CXCL6: variants seen among roughly 807,000 people sequenced by gnomAD.
The protein encoded by CXCL6 is C-X-C motif chemokine ligand 6.
Under a neutral mutation model 10.5 loss-of-function variants are expected in CXCL6, and 18 were observed. The ratio of observed to expected loss-of-function variants is 1.71; its 90% CI spans 1.18 to 2.54. The LOEUF (loss-of-function observed/expected upper bound fraction) is 2.54, where lower values mean the gene tolerates loss of function less well. Among genes scored for constraint, CXCL6 ranks in the 30% most tolerant of loss-of-function variants. The pLI is 0.00. For missense variants in CXCL6, 171 were observed against 145.7 expected, an observed-to-expected ratio of 1.17 and a Z score of -0.90; for synonymous variants, 82 against 68.3, an observed-to-expected ratio of 1.20 and a Z score of -0.99.
In CXCL6 at chr4:73,837,796, CG is replaced by C; in HGVS notation, c.*156del. 1 of 541,902 alleles carries C rather than the reference CG, an allele frequency of 1.8e-6. No homozygotes were observed. 33.6% of individuals were successfully genotyped at this position (541,902 alleles called of 1,614,324 possible). ...TTTGAAGAGTGTGGGGGAAAGCCTA[CG>C]CTTCTCCCTGAAGTTTACAGCTCAG... On this transcript the variant is annotated 3_prime_UTR_variant, in exon 4 of 4. Transcript: ENST00000226317.
Position 73,837,622 on chromosome 4 carries a change from G to A in CXCL6, c.327-1G>A. The A allele has an allele frequency of 1.3e-6, 2 of 1,556,620 alleles. No homozygotes were observed. Among genetic ancestry groups the A allele is most frequent in the Non-Finnish European group, 1.7e-6 (2 of 1,163,398 alleles). On this transcript the variant is annotated splice_acceptor_variant, in intron 3 of 3. Transcript: ENST00000226317. LOFTEE classifies it high-confidence loss of function. The stretch of plus-strand genomic sequence containing the variant: ...TACTAATATAACTCTTTTCTCAACA[G>A]TGGAAACAAGAAAAACTGAGTAACA...
chr4:73,837,018 C>A lies in CXCL6; in HGVS notation c.164C>A (p.Thr55Lys), dbSNP rs931779886. The stretch of plus-strand genomic sequence containing the variant: ...CTGCGTTGCACTTGTTTACGCGTTA[C>A]GCTGAGAGTAAACCCCAAAACGATT... The part of the protein sequence containing the change: ...TELRCTCLRV[T>K]LRVNPKTIGK... The change falls in exon 2 of 4, where the codon ACG becomes AAG. Residue 55 changes from threonine (T) to lysine (K), a missense_variant. Coordinates refer to ENST00000226317, the MANE Select transcript of CXCL6 (RefSeq NM_002993.4). 1 of 1,613,644 alleles carries A rather than the reference C, an allele frequency of 6.2e-7. No individual in the cohort carries two copies. Among genetic ancestry groups the A allele is most frequent in the African/African-American group, 1.3e-5 (1 of 74,922 alleles).
rs557907797 is a variant in CXCL6 at position 73,838,134 on chromosome 4, C to G, written c.*493C>G. ...TCTGTTTCTTGGGGAATATGTTACT[C>G]TTTACCCTAGGATGCTATTTAAGTT... is the stretch of plus-strand genomic sequence containing the variant. On this transcript the variant is annotated 3_prime_UTR_variant, in exon 4 of 4. Transcript: ENST00000226317. 1.3e-5 allele frequency: 2 copies of G among 152,648 alleles called. No homozygotes were observed. Among genetic ancestry groups the G allele is most frequent in the Admixed American group, 1.3e-4 (2 of 15,302 alleles). The allele number at this position is 152,648 out of a possible 1,614,324, so 9.5% of individuals were successfully genotyped here.
At chr4:73,837,535 T>C in intron 3 of CXCL6, 88 bp from the exon 4 acceptor site, 1 of 1,325,784 alleles carries the variant, frequency 7.5e-7, no homozygotes, top group Non-Finnish European at 1.1e-6. Flanking sequence ...TTATTGATTT[T>C]TTTCCCCCAC....
chr4:73,838,743 T>C lies in CXCL6; in HGVS notation c.*1102T>C. The C allele has an allele frequency of 6.6e-6, 1 of 152,638 alleles. No individual in the cohort carries two copies. The highest frequency in any genetic ancestry group is 1.9e-4 in the East Asian group (1 of 5,198). The allele number at this position is 152,638 out of a possible 1,614,324, so 9.5% of individuals were successfully genotyped here. On this transcript the variant is annotated 3_prime_UTR_variant, in exon 4 of 4. Coordinates refer to ENST00000226317, the MANE Select transcript of CXCL6 (RefSeq NM_002993.4). ...CTTGTATTGTCATTTGGAGAAACAA[T>C]AAAAGATTTCTAAACCACTGATGTT...
At chr4:73,837,382 G>A (rs1731128243) in intron 3 of CXCL6, 96 bp downstream of exon 3, 3 of 1,247,190 alleles carry the variant, frequency 2.4e-6, no homozygotes, top group African/African-American at 1.5e-5. Flanking sequence ...TTTAGACTAT[G>A]CTTAGAATTA....
Position 73,837,040 on chromosome 4 carries a change from G to A in CXCL6, c.186G>A (p.Thr62=). 6.2e-7 allele frequency: 1 copy of A among 1,613,990 alleles called. No individual in the cohort carries two copies. The highest frequency in any genetic ancestry group is 8.5e-7 in the Non-Finnish European group (1 of 1,179,918). Residue 62 remains threonine (T), a synonymous_variant, in exon 2 of 4, where the codon ACG becomes ACA. Coordinates refer to ENST00000226317, the MANE Select transcript of CXCL6 (RefSeq NM_002993.4). ...TTACGCTGAGAGTAAACCCCAAAAC[G>A]ATTGGTAAACTGCAGGTGTTCCCCG... ...LRVTLRVNPK[T]IGKLQVFPAG... is the part of the protein sequence containing the mutation.
intron 3 of CXCL6, 101 bp downstream of exon 3, chr4:73,837,387 G>T (rs1731128349): frequency 1.6e-6 from 2 of 1,214,982 alleles, no homozygotes; most frequent in Non-Finnish European, 2.4e-6. Context: ...ACTATGCTTA[G>T]AATTATAAGG....
intron 2 of CXCL6, 33 bp from the exon 3 acceptor site, chr4:73,837,170 C>T: frequency 6.2e-7 from 1 of 1,613,812 alleles, no homozygotes; most frequent in East Asian, 2.2e-5. Context: ...ACCTTTGTGG[C>T]TCATGGGTGC....
chr4:73,837,350 T>A, intron 3 of CXCL6, 64 bp downstream of exon 3: 1 of 1,371,446 alleles, frequency 7.3e-7, no homozygotes, highest in Non-Finnish European at 1.0e-6. Context: ...TACTTCACAA[T>A]GTCCTTATTC....
Position 73,837,712 on chromosome 4 carries a change from C to A in CXCL6, c.*71C>A. On this transcript the variant is annotated 3_prime_UTR_variant, in exon 4 of 4. Coordinates refer to ENST00000226317, the MANE Select transcript of CXCL6 (RefSeq NM_002993.4). ...GAGCAGTTTTCTGGAGATCCCTGGA[C>A]CCAGTAAGAATAAGAAGGAAGGGTT... is the stretch of plus-strand genomic sequence containing the variant. 2.3e-6 allele frequency: 3 copies of A among 1,324,780 alleles called. No individual in the cohort carries two copies. Among genetic ancestry groups the A allele is most frequent in the South Asian group, 2.9e-5 (2 of 69,188 alleles). The allele number at this position is 1,324,780 out of a possible 1,614,324, so 82.1% of individuals were successfully genotyped here.
rs1731119420 is a variant in CXCL6, at chr4:73,837,075, A to C, written c.221A>C (p.Gln74Pro). Residue 74 changes from glutamine (Q) to proline (P), a missense_variant, in exon 2 of 4, where the codon CAG becomes CCG. By Grantham distance (76) the Gln-to-Pro change is moderately conservative. Coordinates refer to ENST00000226317, the MANE Select transcript of CXCL6 (RefSeq NM_002993.4). ...CTGCAGGTGTTCCCCGCAGGCCCGC[A>C]GTGCTCCAAGGTGGAAGTGGTGTAA... ...GKLQVFPAGP[Q>P]CSKVEVVASL... The C allele has an allele frequency of 6.2e-7, 1 of 1,613,714 alleles. No individual in the cohort carries two copies. Among genetic ancestry groups the C allele is most frequent in the Non-Finnish European group, 8.5e-7 (1 of 1,179,776 alleles).
chr4:73,837,515 C>G (rs1731130609), intron 3 of CXCL6, 108 bp from the exon 4 acceptor site: 1 of 1,142,604 alleles, frequency 8.8e-7, no homozygotes, highest in Admixed American at 2.4e-5. Context: ...TTTTTGTCTG[C>G]TCTTTGCTTT....
intron 3 of CXCL6, 42 bp from the exon 4 acceptor site, chr4:73,837,581 G>T: frequency 1.3e-6 from 2 of 1,560,778 alleles, no homozygotes; most frequent in East Asian, 2.3e-5. Context: ...GCATACAAGA[G>T]TGTGGGAATT....
intron 2 of CXCL6, 53 bp downstream of exon 2, chr4:73,837,149 C>T (rs1560512869): frequency 7.4e-6 from 12 of 1,613,666 alleles, no homozygotes; most frequent in Middle Eastern, 1.7e-4. Context: ...GTCCTCCAGC[C>T]TGGGTCGTCA....
In CXCL6 at chr4:73,837,636, A is replaced by G. The variant is rs772785381; in HGVS notation, c.340A>G (p.Asn114Asp). ...QKILDSGNKK[N>D] ...TTTTCTCAACAGTGGAAACAAGAAA[A>G]ACTGAGTAACAAAAAAGACCATGCA... is the stretch of plus-strand genomic sequence containing the variant. Residue 114 changes from asparagine to aspartate, a missense_variant, in exon 4 of 4, where the codon AAC becomes GAC. Asn to Asp is a conservative substitution (Grantham distance 23, BLOSUM62 1). Transcript: ENST00000226317. 1.9e-6 allele frequency: 3 copies of G among 1,553,172 alleles called. No homozygotes were observed. The highest frequency in any genetic ancestry group is 2.6e-6 in the Non-Finnish European group (3 of 1,162,094).
rs200457897 is a variant in CXCL6 at position 73,836,852 on chromosome 4, C to T, written c.102C>T (p.Leu34=). The change falls in exon 1 of 4, where the codon CTC becomes CTT. Residue 34 remains leucine, a synonymous_variant. Coordinates refer to ENST00000226317, the MANE Select transcript of CXCL6 (RefSeq NM_002993.4). ...LLLLLTPPGP[L]ASAGPVSAVL... ...TCCTGCTGACGCCGCCGGGGCCCCT[C>T]GCCAGCGGTGAGAGCTCCTGGCACT... 27 of 1,612,306 alleles carry T rather than the reference C, an allele frequency of 1.7e-5. No individual in the cohort carries two copies. The Admixed American group carries it at 3.0e-4, about 18-fold the overall frequency.
At position 73,836,785 on chromosome 4, in the gene CXCL6, C is replaced by G; in HGVS notation, c.35C>G (p.Pro12Arg). 1 of 1,611,726 alleles carries G rather than the reference C, an allele frequency of 6.2e-7. No individual in the cohort carries two copies. The highest frequency in any genetic ancestry group is 8.5e-7 in the Non-Finnish European group (1 of 1,179,356). Reference protein sequence around the residue: ...SLPSSRAARVPGPSGSLCALL... With the variant: ...SLPSSRAARVRGPSGSLCALL... ...CCGTCCAGCCGCGCGGCCCGTGTCC[C>G]GGGTCCTTCGGGCTCCTTGTGCGCG... The change falls in exon 1 of 4, where the codon CCG becomes CGG. Residue 12 changes from proline to arginine, a missense_variant. By Grantham distance (103) the Pro-to-Arg change is moderately radical. Transcript: ENST00000226317.
rs970139864 is a variant in CXCL6 at position 73,838,548 on chromosome 4, T to C, written c.*907T>C. On this transcript the variant is annotated 3_prime_UTR_variant, in exon 4 of 4. Transcript: ENST00000226317. ...ATATTTGAACAATTTGAATATAAAT[T>C]CATCATTTAGTCCTCAAAATATATA... is the stretch of plus-strand genomic sequence containing the variant. 2.6e-5 allele frequency: 4 copies of C among 152,654 alleles called. No homozygotes were observed. The highest frequency in any genetic ancestry group is 9.6e-5 in the African/African-American group (4 of 41,454). 9.5% of individuals were successfully genotyped at this position (152,654 alleles called of 1,614,324 possible).
Sources: gnomAD v4.1 joint callset for allele counts on GRCh38, gnomAD v4.1.1 for gene constraint, MANE v1.5 for transcripts, NCBI Gene and HGNC (gene_info 2026-07-23, HGNC 2026-07-21) for gene names.